Variants in ZMYM1 observed in about 807,000 individuals in gnomAD.
The protein encoded by ZMYM1 is zinc finger MYM-type containing 1.
ZMYM1 carries 39 observed loss-of-function variants against 60.0 expected under a neutral mutation model. The observed-to-expected ratio is 0.65, with a 90% confidence interval of 0.50 to 0.85. The LOEUF is 0.85. Ranked by LOEUF, ZMYM1 falls within the 40% of genes least tolerant of loss-of-function variation. The pLI is 0.00. For missense variants in ZMYM1, 1,171 were observed against 1,309.5 expected, an observed-to-expected ratio of 0.89 and a Z score of 1.63; for synonymous variants, 413 against 454.0, an observed-to-expected ratio of 0.91 and a Z score of 1.15.
chr1:35,090,285 G>T (rs1642926573), intron 1 of ZMYM1, among the ~76,000 whole-genome samples: 1 of 151,990 alleles, frequency 6.6e-6, no homozygotes, highest in Admixed American at 6.6e-5. Context: ...GAAGGGAAAG[G>T]GTTCCAAAGG....
intron 1 of ZMYM1, among the ~76,000 whole-genome samples, chr1:35,085,475 G>A (rs1642606469): frequency 6.6e-6 from 1 of 152,226 alleles, no homozygotes; most frequent in Non-Finnish European, 1.5e-5. Context: ...CAAGTAAAGT[G>A]AGGAGGTTAA....
At chr1:35,117,797 G>A (rs373175058), downstream of ZMYM1, among the ~76,000 whole-genome samples, 6 of 151,864 alleles carry the variant, frequency 4.0e-5, no homozygotes, top group South Asian at 4.2e-4. Flanking sequence ...AAAATTAGCC[G>A]GGCGTGGTGG....
intron 1 of ZMYM1, among the ~76,000 whole-genome samples, chr1:35,088,376 C>T (rs886879818): frequency 3.4e-5 from 5 of 148,998 alleles, no homozygotes; most frequent in Non-Finnish European, 7.4e-5. Context: ...CGTGATCGTA[C>T]CGCTGCACTC....
intron 1 of ZMYM1, among the ~76,000 whole-genome samples, chr1:35,068,418 CAAAAA>C (rs58187268): frequency 1.6e-5 from 1 of 62,578 alleles, no homozygotes; most frequent in African/African-American, 4.2e-5. Flanking sequence ...AACTCTGCCT[CAAAAA>C]AAAAAAAAAA....
rs529857836 is a variant in ZMYM1 at position 35,060,132 on chromosome 1, TA to T, written c.-301+208del. On this transcript the variant is annotated intron_variant, in intron 1 of 10. Coordinates refer to the ZMYM1 transcript ENST00000417119. ...AGTAGAGAGACAAACATGGGGGAAA[TA>T]CTATTTGTTGTTATTATTATTATTA... is the stretch of plus-strand genomic sequence containing the variant. Among the ~76,000 whole-genome samples the T allele has an allele frequency of 1.8e-4, 26 of 146,840 alleles. No homozygotes were observed. The South Asian group carries it at 4.1e-3, about 23-fold the overall frequency.
At chr1:35,106,548 G>A (rs1643893108) in intron 6 of ZMYM1, among the ~76,000 whole-genome samples, 1 of 146,988 alleles carries the variant, frequency 6.8e-6, no homozygotes, top group Non-Finnish European at 1.5e-5. Flanking sequence ...GGTGGAGGTT[G>A]CAGTGAGCCG....
At chr1:35,069,399 T>C (rs1642030493) in intron 1 of ZMYM1, among the ~76,000 whole-genome samples, 2 of 152,208 alleles carry the variant, frequency 1.3e-5, no homozygotes, top group Non-Finnish European at 2.9e-5. Context: ...TTTTGAGAAA[T>C]GTCTCTTAAG....
chr1:35,106,486 A>C (rs1032730838), intron 6 of ZMYM1, among the ~76,000 whole-genome samples: 1 of 151,928 alleles, frequency 6.6e-6, no homozygotes, highest in Non-Finnish European at 1.5e-5. Flanking sequence ...GCAGGCGCCT[A>C]TAATCCCAAC....
rs370849418 is a variant in ZMYM1, at chr1:35,083,245, G to A, written c.-75+3803G>A. Among the ~76,000 whole-genome samples the A allele has an allele frequency of 3.3e-5, 5 of 151,170 alleles. No individual in the cohort carries two copies. In the South Asian group the frequency reaches 6.3e-4, roughly 19 times the overall value. On this transcript the variant is annotated intron_variant, in intron 1 of 9. Transcript: ENST00000359858. ...CAGCTCACTGTAGCCTCACCCTCCCGGCTTAAGCAGTCTTACCACCTCGGC... is the reference window on the plus strand; with the variant it reads ...CAGCTCACTGTAGCCTCACCCTCCCAGCTTAAGCAGTCTTACCACCTCGGC...
downstream of ZMYM1, among the ~76,000 whole-genome samples, chr1:35,118,559 T>C (rs1638554630): frequency 6.6e-6 from 1 of 151,076 alleles, no homozygotes; most frequent in South Asian, 2.1e-4. Context: ...TAAAAAAAAT[T>C]AGCCAGGCGC....
chr1:35,106,838 T>TTTGTTG lies in ZMYM1; in HGVS notation c.807+2087_807+2092dup, dbSNP rs200589076. Among the ~76,000 whole-genome samples, 36 of 151,224 alleles carry TTTGTTG rather than the reference T, an allele frequency of 2.4e-4. No individual in the cohort carries two copies. In the South Asian group the frequency reaches 4.4e-3, roughly 18 times the overall value. On this transcript the variant is annotated intron_variant, in intron 6 of 9. Transcript: ENST00000359858. Reference sequence around the variant, plus strand: ...CAATAGGCCTTGTTCTGGGTTGTTTTTTGTTGTTGTTGTTGTTGTTGTTTG... The same window carrying TTTGTTG: ...CAATAGGCCTTGTTCTGGGTTGTTTTTTGTTGTTGTTGTTGTTGTTGTTGTTGTTTG...
Position 35,113,319 on chromosome 1 carries a change from A to G in ZMYM1, c.1489A>G (p.Thr497Ala). Residue 497 changes from threonine to alanine, a missense_variant, in exon 10 of 10, where the codon ACC (threonine) becomes GCC (alanine). Transcript: ENST00000359858. ...YFSCGRESFA[T>A]HGTSNWKKTL... ...TAGCTGTGGAAGAGAGTCATTTGCA[A>G]CCCACGGAACTTCTAATTGGAAAAA... The G allele has an allele frequency of 6.2e-7, 1 of 1,612,928 alleles. No homozygotes were observed. The highest frequency in any genetic ancestry group is 1.1e-5 in the South Asian group (1 of 90,848).
At chr1:35,078,405 A>T (rs1012748362), upstream of ZMYM1, among the ~76,000 whole-genome samples, 1 of 152,048 alleles carries the variant, frequency 6.6e-6, no homozygotes, top group Non-Finnish European at 1.5e-5. Context: ...TTATATATAT[A>T]TTTTAGAATC....
chr1:35,072,588 T>C (rs913079455), intron 1 of ZMYM1, among the ~76,000 whole-genome samples: 1 of 152,086 alleles, frequency 6.6e-6, no homozygotes, highest in African/African-American at 2.4e-5. Context: ...CTTCTATCAA[T>C]TTCAGGTTTA....
intron 6 of ZMYM1, among the ~76,000 whole-genome samples, chr1:35,106,040 G>A (rs557706738): frequency 6.6e-6 from 1 of 152,132 alleles, no homozygotes; most frequent in Non-Finnish European, 1.5e-5. Context: ...AGGTTCAGTT[G>A]AGCCAGGAGT....
chr1:35,084,096 CT>C (rs1228333903), intron 1 of ZMYM1, among the ~76,000 whole-genome samples: 1 of 152,104 alleles, frequency 6.6e-6, no homozygotes, highest in Non-Finnish European at 1.5e-5. Context: ...TACCTTCTAG[CT>C]TGTCTTCTTC....
At chr1:35,099,035 A>G (rs1476297235) in intron 4 of ZMYM1, among the ~76,000 whole-genome samples, 1 of 152,234 alleles carries the variant, frequency 6.6e-6, no homozygotes, top group African/African-American at 2.4e-5. Flanking sequence ...TGTTTTTGAT[A>G]AATGTACAAA....
intron 2 of ZMYM1, 141 bp from the exon 3 acceptor site, chr1:35,095,678 T>C: frequency 1.7e-6 from 1 of 604,640 alleles, no homozygotes; most frequent in South Asian, 2.1e-5. Flanking sequence ...GGGTAGTGCA[T>C]ACCTGTGTAT....
chr1:35,091,731 C>CAAAA (rs755636348), intron 1 of ZMYM1, among the ~76,000 whole-genome samples: 1 of 108,040 alleles, frequency 9.3e-6, no homozygotes, highest in Admixed American at 1.0e-4. Flanking sequence ...ACCTTCTCTA[C>CAAAA]AAAAAAAAAA....
Sources: allele counts gnomAD v4.1 joint callset (sites outside exome capture counted in the v4.1 genomes callset), GRCh38; gene constraint gnomAD v4.1.1; transcripts MANE v1.5; gene names NCBI Gene and HGNC (gene_info 2026-07-23, HGNC 2026-07-21).